The following FAM135A variants were observed in gnomAD, a reference collection of about 807,000 sequenced individuals.
FAM135A encodes the protein protein FAM135A.
A neutral mutation model predicts 146.8 loss-of-function variants in FAM135A; 79 were observed. The ratio of observed to expected loss-of-function variants is 0.54; its 90% confidence interval spans 0.45 to 0.65. FAM135A has a LOEUF of 0.65. Among genes scored for constraint, FAM135A ranks in the 30% least tolerant of loss-of-function variants. The pLI, the probability that FAM135A is intolerant of heterozygous loss-of-function variation, is 0.00. For synonymous variants in FAM135A, 562 were observed against 603.6 expected (o/e 0.93, Z 1.01); for missense variants, 1,623 against 1,758.2 (o/e 0.92, Z 1.38).
At chr6:70,527,010 TG>T (rs1794897356) in intron 15 of FAM135A, among the ~76,000 whole-genome samples, 1 of 152,036 alleles carries the variant, frequency 6.6e-6, no homozygotes, top group Non-Finnish European at 1.5e-5. Flanking sequence ...GATTTTCCAA[TG>T]GTAGTTTTGT....
chr6:70,435,543 G>C (rs573386094), intron 4 of FAM135A, among the ~76,000 whole-genome samples: 143 of 151,338 alleles, frequency 9.4e-4, no homozygotes, highest in African/African-American at 3.4e-3. Flanking sequence ...TTTTGAGATG[G>C]AGTTTCGCTC....
intron 20 of FAM135A, among the ~76,000 whole-genome samples, chr6:70,542,783 T>C (rs1169328716): frequency 6.6e-6 from 1 of 152,176 alleles, no homozygotes; most frequent in Non-Finnish European, 1.5e-5. Flanking sequence ...AAACTGTATG[T>C]CTTCTTTGGC....
rs900020667 is a variant in FAM135A at position 70,522,566 on chromosome 6, C to T, written c.1083C>T (p.Ala361=). The T allele has an allele frequency of 1.9e-6, 3 of 1,613,336 alleles. No individual in the cohort carries two copies. Among genetic ancestry groups the T allele is most frequent in the Non-Finnish European group, 2.5e-6 (3 of 1,179,606 alleles). Reference sequence around the variant, plus strand: ...GTTTTGAGCATCCAAGAGAAGCTGCCATTGCATACCAGGAACTTCAGTGAG... The same window carrying T: ...GTTTTGAGCATCCAAGAGAAGCTGCTATTGCATACCAGGAACTTCAGTGAG... ...FFCFEHPREA[A]IAYQELHAQS... is the part of the protein sequence containing the mutation. Residue 361 remains alanine (A), a synonymous_variant, in exon 13 of 22, where the codon GCC becomes GCT. Transcript: ENST00000418814.
rs1394352250 is a variant in FAM135A, at chr6:70,526,763, ACATACACACAC to A, written c.3614+66_3614+76del. 1.8e-5 allele frequency: 12 copies of A among 663,298 alleles called. No individual in the cohort carries two copies. The African/African-American group carries it at 3.9e-4, about 21-fold the overall frequency. 41.1% of individuals were successfully genotyped at this position (663,298 alleles called of 1,614,324 possible). A position where few individuals can be genotyped will look rare whatever the true frequency, so the allele number is the denominator to read the frequency against. On this transcript the variant is annotated intron_variant, in intron 15 of 21. Transcript: ENST00000418814. ...TACATATATATATACACACACACAC[ACATACACACAC>A]ACACACACACACACACACACACACA...
At chr6:70,551,550 G>A (rs746190391) in intron 20 of FAM135A, among the ~76,000 whole-genome samples, 5 of 152,172 alleles carry the variant, frequency 3.3e-5, no homozygotes, top group African/African-American at 4.8e-5. Flanking sequence ...GGTAGAGGCC[G>A]CAATGAGTCA....
At chr6:70,530,735 A>C (rs964252221) in intron 16 of FAM135A, among the ~76,000 whole-genome samples, 1 of 152,208 alleles carries the variant, frequency 6.6e-6, no homozygotes, top group African/African-American at 2.4e-5. Context: ...CCTGGGCAAC[A>C]GAGTGAGACT....
rs750461927 is a variant in FAM135A at position 70,502,619 on chromosome 6, T to G, written c.874-17T>G. ...AAATCTTGGGAAATAGTGAAATTTT[T>G]TTTCTTTTCATTTCAGAAAATAGAG... On this transcript the variant is annotated splice_polypyrimidine_tract_variant and intron_variant, in intron 11 of 21. Transcript: ENST00000418814. The G allele has an allele frequency of 1.9e-6, 3 of 1,598,418 alleles. No individual in the cohort carries two copies. Among genetic ancestry groups the G allele is most frequent in the South Asian group, 2.3e-5 (2 of 88,084 alleles).
Position 70,482,085 on chromosome 6 carries a change from T to C in FAM135A, c.754T>C (p.Phe252Leu). ...ACTTTGTGCCACTTTGCTGCTAGCC[T>C]TCAAGGGATTGCACAGCTACTTCAT... ...YTLCATLLLA[F>L]KGLHSYFITV... is the part of the protein sequence containing the mutation. The change falls in exon 10 of 22, where the codon TTC becomes CTC. Residue 252 changes from phenylalanine (F) to leucine (L), a missense_variant. Transcript: ENST00000418814. The C allele has an allele frequency of 6.2e-7, 1 of 1,613,790 alleles. No individual in the cohort carries two copies. The highest frequency in any genetic ancestry group is 8.5e-7 in the Non-Finnish European group (1 of 1,179,808).
At chr6:70,486,107 A>G in intron 10 of FAM135A, 11 of 1,460,570 alleles carry the variant, frequency 7.5e-6, no homozygotes, top group Non-Finnish European at 1.0e-5. Context: ...GGAAAATTCT[A>G]GTAAGTTTTG....
chr6:70,473,962 G>A (rs529155325), intron 5 of FAM135A, among the ~76,000 whole-genome samples: 3 of 152,286 alleles, frequency 2.0e-5, no homozygotes, highest in African/African-American at 7.2e-5. Context: ...TGGTTGCCCT[G>A]TTCATCCTGC....
At chr6:70,448,779 C>G (rs970169998) in intron 4 of FAM135A, among the ~76,000 whole-genome samples, 12 of 152,166 alleles carry the variant, frequency 7.9e-5, no homozygotes, top group African/African-American at 2.2e-4. Flanking sequence ...AAGGGATGGG[C>G]CGAAATAAAT....
chr6:70,533,053 A>G, intron 16 of FAM135A, 107 bp from the exon 17 acceptor site: 1 of 823,228 alleles, frequency 1.2e-6, no homozygotes, highest in South Asian at 1.5e-5. Context: ...CTGTTCACAA[A>G]TGGCATAGGC....
At chr6:70,430,120 A>G (rs1771191202) in intron 4 of FAM135A, among the ~76,000 whole-genome samples, 1 of 151,958 alleles carries the variant, frequency 6.6e-6, no homozygotes, top group Non-Finnish European at 1.5e-5. Context: ...GCAGATCACC[A>G]GAGTTCAGGA....
At chr6:70,558,364 C>CT (rs1383332001) in intron 21 of FAM135A, among the ~76,000 whole-genome samples, 3 of 152,218 alleles carry the variant, frequency 2.0e-5, no homozygotes, top group African/African-American at 7.2e-5. Flanking sequence ...TCCATGGACA[C>CT]TGTTAGTACT....
rs529080563 is a variant in FAM135A, at chr6:70,435,245, C to T, written c.77+6826C>T. On this transcript the variant is annotated intron_variant, in intron 4 of 21. Transcript: ENST00000418814. ...TCAGCCTCCTGAATAGCTGGGATTA[C>T]AGGTGCCTGCCACCACGCCCAGCTA... Among the ~76,000 whole-genome samples, 15 of 151,668 alleles carry T rather than the reference C, an allele frequency of 9.9e-5. No homozygotes were observed. In the South Asian group the frequency reaches 2.7e-3, roughly 27 times the overall value.
chr6:70,419,288 G>A lies in FAM135A; in HGVS notation c.-134+3912G>A, dbSNP rs183355606. The stretch of plus-strand genomic sequence containing the variant: ...ACAAAAATTAGCTGGGCGTGGTGGC[G>A]CACGCCTGTAGTCCCAGCTGCTTGG... On this transcript the variant is annotated intron_variant, in intron 2 of 21. Coordinates refer to ENST00000418814, the MANE Select transcript of FAM135A (RefSeq NM_001162529.3). Among the ~76,000 whole-genome samples the A allele has an allele frequency of 2.6e-4, 40 of 152,190 alleles. No individual in the cohort carries two copies. The East Asian group carries it at 6.8e-3, about 26-fold the overall frequency.
chr6:70,433,130 G>A (rs997308041), intron 4 of FAM135A, among the ~76,000 whole-genome samples: 3 of 150,796 alleles, frequency 2.0e-5, no homozygotes, highest in Non-Finnish European at 4.4e-5. Flanking sequence ...GCTGGAGTGC[G>A]GTGGCTTGAT....
At chr6:70,415,880 G>A (rs912790805) in intron 2 of FAM135A, among the ~76,000 whole-genome samples, 3 of 152,180 alleles carry the variant, frequency 2.0e-5, no homozygotes, top group African/African-American at 4.8e-5. Flanking sequence ...CAGCTGTAAA[G>A]TAATTAATAG....
chr6:70,536,999 G>A (rs1285595317), intron 19 of FAM135A, among the ~76,000 whole-genome samples: 4 of 149,126 alleles, frequency 2.7e-5, no homozygotes, highest in East Asian at 2.0e-4. Context: ...GCAGTGGCGC[G>A]ATCTCGGCTC....
Sources: gnomAD v4.1 joint callset for allele counts (sites outside exome capture counted in the v4.1 genomes callset) on GRCh38, gnomAD v4.1.1 for gene constraint, MANE v1.5 for transcripts, NCBI Gene and HGNC (gene_info 2026-07-23, HGNC 2026-07-21) for gene names.